CACNA1I: variants seen among roughly 807,000 people sequenced by gnomAD.
The protein encoded by CACNA1I is calcium voltage-gated channel subunit alpha1 I, also known as voltage-dependent T-type calcium channel subunit alpha-1I.
In CACNA1I, 74 loss-of-function variants were observed where a neutral mutation model predicts 201.6. The ratio of observed to expected loss-of-function variants is 0.37; its 90% CI spans 0.30 to 0.45. CACNA1I has a LOEUF of 0.45. Among genes scored for constraint, CACNA1I ranks in the 20% least tolerant of loss-of-function variants. The pLI is 1.00. For missense variants in CACNA1I, 2,346 were observed against 3,138.1 expected, an observed-to-expected ratio of 0.75 and a Z score of 6.03; for synonymous variants, 1,431 against 1,345.2, an observed-to-expected ratio of 1.06 and a Z score of -1.40.
chr22:39,665,366 G>A lies in CACNA1I; in HGVS notation c.3852-132G>A, dbSNP rs975846004. ...TCCTGGAGACTGTCCTCATGCCCCA[G>A]GGTGTTCAGCCCTGGTGAGCCCTGG... On this transcript the variant is annotated intron_variant, in intron 21 of 36. Coordinates refer to ENST00000402142, the MANE Select transcript of CACNA1I (RefSeq NM_021096.4). The surrounding 1 kb of genome is among the most constrained non-coding windows in gnomAD (Gnocchi z 5.5). 1.9e-5 allele frequency: 20 copies of A among 1,046,678 alleles called. No homozygotes were observed. Among genetic ancestry groups the A allele is most frequent in the Middle Eastern group, 2.9e-4 (1 of 3,422 alleles). 64.8% of individuals were successfully genotyped at this position (1,046,678 alleles called of 1,614,324 possible). A position where few individuals can be genotyped will look rare whatever the true frequency, so the allele number is the denominator to read the frequency against.
Position 39,649,258 on chromosome 22 carries a change from G to A in CACNA1I, c.1568-243G>A, listed in dbSNP as rs1189498644. Among the ~76,000 whole-genome samples the A allele has an allele frequency of 6.6e-6, 1 of 152,196 alleles. No homozygotes were observed. The highest frequency in any genetic ancestry group is 1.9e-4 in the East Asian group (1 of 5,182). ...TGCTGGGCCCATCATGTGCCTTAAG[G>A]GAGAGAATCCTCCTACAGCCTGCAT... On this transcript the variant is annotated intron_variant, in intron 9 of 36. Transcript: ENST00000402142. The surrounding 1 kb of genome is among the most constrained non-coding windows in gnomAD (Gnocchi z 7.3).
intron 1 of CACNA1I, among the ~76,000 whole-genome samples, chr22:39,597,091 G>A (rs781191599): frequency 4.3e-4 from 65 of 152,194 alleles, no homozygotes; most frequent in Non-Finnish European, 8.8e-4. Flanking sequence ...ATCATACTAT[G>A]TGTGGCTCAA....
chr22:39,593,121 T>A (rs1431468086), intron 1 of CACNA1I, among the ~76,000 whole-genome samples: 1 of 151,912 alleles, frequency 6.6e-6, no homozygotes, highest in East Asian at 1.9e-4. Context: ...AGCCACTCCA[T>A]CTGCCTCCTG....
At position 39,685,019 on chromosome 22, in the gene CACNA1I, G is replaced by T. The variant is rs76232843; in HGVS notation, c.6027+521G>T. The T allele has an allele frequency of 0.024, 4,484 of 187,822 alleles. 228 individuals are homozygous for T. The highest frequency in any genetic ancestry group is 0.099 in the African/African-American group (4,206 of 42,464). The allele number at this position is 187,822 out of a possible 1,614,324, so 11.6% of individuals were successfully genotyped here. On this transcript the variant is annotated intron_variant, in intron 36 of 36. Coordinates refer to ENST00000402142, the MANE Select transcript of CACNA1I (RefSeq NM_021096.4). This position sits in a 1 kb window ranked among gnomAD's most constrained non-coding sequence, Gnocchi z 5.0. ...AGAGGTCTGAAGCACTGAGGGCTCC[G>T]CTGTGGGGGTGGGGAAATGGGGCCG...
intron 3 of CACNA1I, among the ~76,000 whole-genome samples, chr22:39,601,586 G>A (rs571562950): frequency 9.2e-5 from 14 of 152,196 alleles, no homozygotes; most frequent in African/African-American, 3.4e-4. Flanking sequence ...GAGAGGGTGT[G>A]TGAGTGTGTG....
rs1005586287 is a variant in CACNA1I, at chr22:39,664,734, C to A, written c.3667-5C>A. ...AGCCTGACCCCGGCCCCACCCCCGC[C>A]CCAGGTAGTCTCGCTGGGCCTGTAC... On this transcript the variant is annotated splice_region_variant and splice_polypyrimidine_tract_variant and intron_variant, in intron 20 of 36. Transcript: ENST00000402142. 3 of 1,574,720 alleles carry A rather than the reference C, an allele frequency of 1.9e-6. No individual in the cohort carries two copies. Among genetic ancestry groups the A allele is most frequent in the Non-Finnish European group, 2.6e-6 (3 of 1,159,496 alleles).
At position 39,680,932 on chromosome 22, in the gene CACNA1I, G is replaced by A. The variant is rs1283679763; in HGVS notation, c.5544G>A (p.Val1848=). 6.2e-7 allele frequency: 1 copy of A among 1,608,972 alleles called. No individual in the cohort carries two copies. The highest frequency in any genetic ancestry group is 8.5e-7 in the Non-Finnish European group (1 of 1,178,596). Reference sequence around the variant, plus strand: ...GAGGCCACCCCCTCTTCCTGCAGGTGCAGCTGGCTGAGACGGAGGCCTTCT... The same window carrying A: ...GAGGCCACCCCCTCTTCCTGCAGGTACAGCTGGCTGAGACGGAGGCCTTCT... The part of the protein sequence containing the change: ...CKKCHHDKQE[V]QLAETEAFSL... Residue 1848 remains valine, a splice_region_variant and synonymous_variant, in exon 34 of 37, where the codon GTG becomes GTA. Transcript: ENST00000402142.
chr22:39,642,730 C>A, intron 6 of CACNA1I, 67 bp from the exon 7 acceptor site: 2 of 1,074,094 alleles, frequency 1.9e-6, no homozygotes, highest in Non-Finnish European at 1.4e-6. Flanking sequence ...CTGTCTGGGG[C>A]ACTGCCTGGG....
chr22:39,646,537 C>T (rs756843351), intron 7 of CACNA1I, 32 bp from the exon 8 acceptor site: 1 of 1,512,248 alleles, frequency 6.6e-7, no homozygotes, highest in South Asian at 1.3e-5. Flanking sequence ...ATCCCTGTCC[C>T]TGTCCCTGTC....
At chr22:39,683,952 G>C (rs971248592) in intron 35 of CACNA1I, among the ~76,000 whole-genome samples, 2 of 152,194 alleles carry the variant, frequency 1.3e-5, no homozygotes, top group African/African-American at 4.8e-5. Context: ...TACTGAGCTG[G>C]GAGCTTCCAG....
intron 4 of CACNA1I, among the ~76,000 whole-genome samples, chr22:39,622,415 G>A (rs1026003092): frequency 6.6e-5 from 10 of 151,692 alleles, no homozygotes; most frequent in Non-Finnish European, 8.8e-5. Context: ...GGTTCAGGGA[G>A]TGTAAAGGGC....
At chr22:39,642,976 A>G in intron 7 of CACNA1I, 87 bp downstream of exon 7, 2 of 865,996 alleles carry the variant, frequency 2.3e-6, no homozygotes, top group Non-Finnish European at 3.7e-6. Flanking sequence ...GGGAGTCCCT[A>G]GGGAGCCCCT....
chr22:39,635,299 C>T (rs912672827), intron 5 of CACNA1I, among the ~76,000 whole-genome samples: 1 of 152,188 alleles, frequency 6.6e-6, no homozygotes, highest in African/African-American at 2.4e-5. Context: ...TTCTCACTTC[C>T]CTTTGTTGAG....
chr22:39,571,087 C>A, intron 1 of CACNA1I, 99 bp downstream of exon 1: 1 of 1,086,272 alleles, frequency 9.2e-7, no homozygotes, highest in Non-Finnish European at 1.4e-6. Context: ...GGCTGGGAGA[C>A]CTGAGGTCTG....
At chr22:39,625,110 GT>G in intron 4 of CACNA1I, among the ~76,000 whole-genome samples, 1 of 152,106 alleles carries the variant, frequency 6.6e-6, no homozygotes, top group South Asian at 2.1e-4. Context: ...GTTTCACTGT[GT>G]TGGCCAGGCT....
intron 1 of CACNA1I, among the ~76,000 whole-genome samples, chr22:39,588,795 C>G (rs371265510): frequency 1.3e-5 from 2 of 152,178 alleles, no homozygotes; most frequent in Non-Finnish European, 1.5e-5. Context: ...TACTCCCCAA[C>G]GTTACTGCTC....
intron 4 of CACNA1I, among the ~76,000 whole-genome samples, chr22:39,630,411 C>G (rs1170079496): frequency 6.6e-6 from 1 of 152,254 alleles, no homozygotes; most frequent in Non-Finnish European, 1.5e-5. Context: ...TGGTTTTTCA[C>G]AACTCATGTA....
In CACNA1I at chr22:39,604,767, A is replaced by AT. The variant is rs1468109383; in HGVS notation, c.482+4121dup. 2.0e-5 allele frequency among the ~76,000 whole-genome samples: 3 copies of AT among 150,328 alleles called. No individual in the cohort carries two copies. In the East Asian group the frequency reaches 5.8e-4, roughly 29 times the overall value. ...TAATTTTTTTTTTTTTTACTTTTTAATTTTTTTGTAGAGACAAGCTCTCAC... is the reference window on the plus strand; with the variant it reads ...TAATTTTTTTTTTTTTTACTTTTTAATTTTTTTTGTAGAGACAAGCTCTCAC... On this transcript the variant is annotated intron_variant, in intron 3 of 36. Coordinates refer to ENST00000402142, the MANE Select transcript of CACNA1I (RefSeq NM_021096.4).
chr22:39,648,267 C>T lies in CACNA1I; in HGVS notation c.1567+341C>T, dbSNP rs561562335. 6.6e-6 allele frequency among the ~76,000 whole-genome samples: 1 copy of T among 152,208 alleles called. No individual in the cohort carries two copies. Among genetic ancestry groups the T allele is most frequent in the Non-Finnish European group, 1.5e-5 (1 of 68,010 alleles). On this transcript the variant is annotated intron_variant, in intron 9 of 36. Transcript: ENST00000402142. This position sits in a 1 kb window ranked among gnomAD's most constrained non-coding sequence, Gnocchi z 5.4. The stretch of plus-strand genomic sequence containing the variant: ...TCCAGGCGTGGGCTCGGAGGAGGCC[C>T]CAGGTGGCCCGTGGGCAGGCCCGGC...
Sources: allele counts gnomAD v4.1 joint callset (sites outside exome capture counted in the v4.1 genomes callset), GRCh38; gene constraint gnomAD v4.1.1; non-coding constraint Gnocchi (gnomAD v3.1); transcripts MANE v1.5; gene names NCBI Gene and HGNC (gene_info 2026-07-23, HGNC 2026-07-21).